TMEM114: variants seen among roughly 807,000 people sequenced by gnomAD.
TMEM114 encodes transmembrane protein 114, also known as claudin-26.
A neutral mutation model predicts 6.2 loss-of-function variants in TMEM114; 6 were observed. That is an observed-to-expected ratio of 0.97 (90% CI 0.53 to 1.91). The LOEUF (loss-of-function observed/expected upper bound fraction) is 1.91. Among genes scored for constraint, TMEM114 ranks in the 40% most tolerant of loss-of-function variants. TMEM114 has a pLI of 0.01. For synonymous variants in TMEM114, 104 were observed against 73.0 expected (o/e 1.42, Z -2.16); for missense variants, 218 against 158.3 (o/e 1.38, Z -2.02).
intron 2 of TMEM114, among the ~76,000 whole-genome samples, chr16:8,572,478 C>T (rs1901768450): frequency 6.6e-6 from 1 of 152,198 alleles, no homozygotes; most frequent in Non-Finnish European, 1.5e-5. Context: ...CTCTGTCACT[C>T]AGGCTGAAGT....
downstream of TMEM114, among the ~76,000 whole-genome samples, chr16:8,533,190 T>C (rs144094023): frequency 4.7e-3 from 717 of 152,298 alleles, 4 homozygotes; most frequent in African/African-American, 0.016. Context: ...TGAGAGCTGA[T>C]AAAATAAAGT....
At chr16:8,547,829 C>T (rs1900720190) in intron 2 of TMEM114, among the ~76,000 whole-genome samples, 3 of 152,146 alleles carry the variant, frequency 2.0e-5, no homozygotes, top group African/African-American at 4.8e-5. Context: ...GAGAGACTCT[C>T]ATCAGGATAC....
At chr16:8,569,415 C>T (rs1596308303), downstream of TMEM114, 6 of 1,077,990 alleles carry the variant, frequency 5.6e-6, no homozygotes, top group South Asian at 2.1e-4. Flanking sequence ...CCCAGACCCA[C>T]CAAGGAGCTG....
chr16:8,571,905 G>C (rs1485667350), intron 3 of TMEM114, among the ~76,000 whole-genome samples, 182 bp downstream of exon 3: 1 of 152,108 alleles, frequency 6.6e-6, no homozygotes, highest in African/African-American at 2.4e-5. Flanking sequence ...TCCTGTCTTG[G>C]AACCAGAGAC....
At chr16:8,566,257 G>T (rs113312330), downstream of TMEM114, among the ~76,000 whole-genome samples, 5,702 of 152,044 alleles carry the variant, frequency 0.038, 165 homozygotes, top group South Asian at 0.096. Flanking sequence ...CGTGCCTGTA[G>T]TCCCAGCTAC....
chr16:8,558,287 G>A (rs1162072665), intron 2 of TMEM114, among the ~76,000 whole-genome samples: 2 of 152,116 alleles, frequency 1.3e-5, no homozygotes, highest in African/African-American at 2.4e-5. Flanking sequence ...AAATCAAGGT[G>A]TCAGGTGGGC....
chr16:8,535,221 G>T (rs1318716255), downstream of TMEM114, among the ~76,000 whole-genome samples: 3 of 149,906 alleles, frequency 2.0e-5, no homozygotes, highest in Non-Finnish European at 4.5e-5. Flanking sequence ...TAGATACTAA[G>T]GCACTAGGAA....
At chr16:8,559,214 T>C (rs1245606759) in intron 2 of TMEM114, among the ~76,000 whole-genome samples, 1 of 152,162 alleles carries the variant, frequency 6.6e-6, no homozygotes, top group Non-Finnish European at 1.5e-5. Flanking sequence ...GGATAATTTT[T>C]GTATTTTTAG....
At chr16:8,531,058 A>G in the TMEM114 span, among the ~76,000 whole-genome samples, 1 of 152,024 alleles carries the variant, frequency 6.6e-6, no homozygotes, top group Non-Finnish European at 1.5e-5. Context: ...GAAGGGAGGG[A>G]GGGAGGAGTG....
downstream of TMEM114, among the ~76,000 whole-genome samples, chr16:8,568,307 CCTTT>C (rs1901613548): frequency 6.6e-6 from 1 of 152,200 alleles, no homozygotes; most frequent in African/African-American, 2.4e-5. Context: ...TACTGGCCTT[CCTTT>C]GAGTGTTTGT....
chr16:8,585,226 C>A (rs996167625), intron 2 of TMEM114, among the ~76,000 whole-genome samples: 2 of 152,202 alleles, frequency 1.3e-5, no homozygotes, highest in South Asian at 2.1e-4. Flanking sequence ...TACCTCCCAC[C>A]AGATCCCTCC....
At chr16:8,533,370 G>C (rs201325532), downstream of TMEM114, among the ~76,000 whole-genome samples, 3 of 152,332 alleles carry the variant, frequency 2.0e-5, no homozygotes, top group East Asian at 5.8e-4. Flanking sequence ...AAGTGTCAAG[G>C]TCCTGGAGCA....
intron 2 of TMEM114, among the ~76,000 whole-genome samples, chr16:8,575,471 A>G (rs184331260): frequency 1.0e-3 from 154 of 152,316 alleles, no homozygotes; most frequent in Non-Finnish European, 1.8e-3. Flanking sequence ...ATCTACCATG[A>G]CCATAGGTGT....
chr16:8,569,820 C>T lies in TMEM114; in HGVS notation c.625G>A (p.Ala209Thr). 2 of 1,551,010 alleles carry T rather than the reference C, an allele frequency of 1.3e-6. No homozygotes were observed. The highest frequency in any genetic ancestry group is 8.7e-7 in the Non-Finnish European group (1 of 1,146,936). The change falls in exon 4 of 4, where the codon GCA becomes ACA. Residue 209 changes from alanine to threonine, a missense_variant. Ala to Thr is a moderately conservative substitution (Grantham distance 58). Coordinates refer to ENST00000620492, the MANE Select transcript of TMEM114 (RefSeq NM_001146336.2). ...ELLTGAAFLAAARELSLRRRQ... is the reference protein window; with the variant it reads ...ELLTGAAFLATARELSLRRRQ... ...CGTCTCAGGCTGAGCTCGCGGGCTGCTGCCAGGAAGGCTGCCCCGGTGAGC... is the reference window on the plus strand; with the variant it reads ...CGTCTCAGGCTGAGCTCGCGGGCTGTTGCCAGGAAGGCTGCCCCGGTGAGC...
chr16:8,528,780 T>C, the TMEM114 span, among the ~76,000 whole-genome samples: 22 of 152,256 alleles, frequency 1.4e-4, no homozygotes, highest in African/African-American at 5.3e-4. Flanking sequence ...CAAGGTGAGC[T>C]CTTTGCCTTC....
intron 2 of TMEM114, among the ~76,000 whole-genome samples, chr16:8,548,719 A>G (rs192512084): frequency 0.014 from 1,790 of 131,902 alleles, 38 homozygotes; most frequent in African/African-American, 0.054. Context: ...GAAAAAAAAT[A>G]CACCCATATA....
chr16:8,555,575 T>C (rs1248387347), intron 2 of TMEM114, among the ~76,000 whole-genome samples: 1 of 152,126 alleles, frequency 6.6e-6, no homozygotes, highest in African/African-American at 2.4e-5. Context: ...GTCTTTTGGT[T>C]CCTCGTCCCA....
chr16:8,564,757 G>A (rs1321560164), downstream of TMEM114, among the ~76,000 whole-genome samples: 1 of 151,264 alleles, frequency 6.6e-6, no homozygotes, highest in Admixed American at 6.6e-5. Context: ...GAGTGAATGA[G>A]TGAGTGAATG....
chr16:8,535,175 A>G (rs985816033), downstream of TMEM114, among the ~76,000 whole-genome samples: 2 of 152,192 alleles, frequency 1.3e-5, no homozygotes, highest in Non-Finnish European at 2.9e-5. Context: ...GGAACCACAT[A>G]CTTCATAAGC....
Sources: gnomAD v4.1 joint callset for allele counts (sites outside exome capture counted in the v4.1 genomes callset) on GRCh38, gnomAD v4.1.1 for gene constraint, MANE v1.5 for transcripts, NCBI Gene and HGNC (gene_info 2026-07-23, HGNC 2026-07-21) for gene names.